OTUD5: variants seen among roughly 807,000 people sequenced by gnomAD.
OTUD5 encodes the protein OTU deubiquitinase 5.
A neutral mutation model predicts 36.3 loss-of-function variants in OTUD5; 2 were observed. The ratio of observed to expected loss-of-function variants is 0.06; its 90% CI spans 0.02 to 0.17. The LOEUF is 0.17. Among genes scored for constraint, OTUD5 ranks in the 10% least tolerant of loss-of-function variants. The pLI, the probability that OTUD5 is intolerant of heterozygous loss-of-function variation, is 1.00. For missense variants in OTUD5, 233 were observed against 512.3 expected (o/e 0.45, Z 5.26); for synonymous variants, 234 against 214.9 (o/e 1.09, Z -0.78).
At chrX:48,953,856 C>T (rs1169919140) in intron 1 of OTUD5, among the ~76,000 whole-genome samples, 1 of 110,944 alleles carries the variant, frequency 9.0e-6, no homozygotes, top group Admixed American at 9.6e-5. Flanking sequence ...ACCCCAGAAT[C>T]GCCATCTAGA....
rs781921926 is a variant in OTUD5 at position 48,953,150 on chromosome X, T to C, written c.594+3827A>G. Reference sequence around the variant, plus strand: ...GAATTGAGGGATGATGGCTCAAAGCTTGCCTTGCTCCAAAGCCCAAACTCC... The same window carrying C: ...GAATTGAGGGATGATGGCTCAAAGCCTGCCTTGCTCCAAAGCCCAAACTCC... On this transcript the variant is annotated intron_variant, in intron 1 of 8. Coordinates refer to ENST00000376488, the MANE Select transcript of OTUD5 (RefSeq NM_001136157.2). Among the ~76,000 whole-genome samples the C allele has an allele frequency of 5.4e-5, 6 of 111,787 alleles. No homozygotes were observed. The South Asian group carries it at 2.2e-3, about 41-fold the overall frequency.
chrX:48,923,531 A>G (rs2063614909), intron 8 of OTUD5, 102 bp downstream of exon 8: 1 of 627,106 alleles, frequency 1.6e-6, no homozygotes, highest in Non-Finnish European at 2.5e-6. Flanking sequence ...TTTCTTGGGG[A>G]GATGGCCAGA....
chrX:48,951,389 C>T (rs918791417), intron 1 of OTUD5, among the ~76,000 whole-genome samples: 8 of 111,323 alleles, frequency 7.2e-5, no homozygotes, highest in Non-Finnish European at 9.5e-5. Flanking sequence ...CCGAGGTGGG[C>T]GGATCACGAA....
intron 1 of OTUD5, among the ~76,000 whole-genome samples, chrX:48,945,145 G>A (rs1557052036): frequency 9.1e-6 from 1 of 110,043 alleles, no homozygotes; most frequent in East Asian, 2.8e-4. Context: ...ACAAACACAC[G>A]TACACAAAAT....
At chrX:48,951,057 G>C (rs1377242590) in intron 1 of OTUD5, among the ~76,000 whole-genome samples, 2 of 107,745 alleles carry the variant, frequency 1.9e-5, no homozygotes, top group Non-Finnish European at 3.8e-5. Context: ...TTAGAATTAA[G>C]GCAGCAGGGG....
chrX:48,957,904 A>C (rs1557056245), upstream of OTUD5: 16 of 619,562 alleles, frequency 2.6e-5, no homozygotes, highest in Non-Finnish European at 2.9e-5. Flanking sequence ...CAGAACCAAA[A>C]CAAGCACCTC....
At position 48,950,537 on chromosome X, in the gene OTUD5, CTTTTTTTT is replaced by C. The variant is rs781905691; in HGVS notation, c.595-6262_595-6255del. Among the ~76,000 whole-genome samples, 611 of 83,053 alleles carry C rather than the reference CTTTTTTTT, an allele frequency of 7.4e-3. 2 individuals are homozygous for C. The highest frequency in any genetic ancestry group is 0.011 in the Non-Finnish European group (453 of 43,092). 72.1% of individuals were successfully genotyped at this position (83,053 alleles called of 115,157 possible). Reference sequence around the variant, plus strand: ...TGTGACAGAATAAACTTCTCTCTCTCTTTTTTTTTTTTTTTTTTTTTTTGAGATGGAGT... The same window carrying C: ...TGTGACAGAATAAACTTCTCTCTCTCTTTTTTTTTTTTTTTGAGATGGAGT... On this transcript the variant is annotated intron_variant, in intron 1 of 8. Transcript: ENST00000376488.
chrX:48,934,626 G>A lies in OTUD5; in HGVS notation c.911-14C>T. 2 of 1,210,602 alleles carry A rather than the reference G, an allele frequency of 1.7e-6. No homozygotes were observed. Among genetic ancestry groups the A allele is most frequent in the Non-Finnish European group, 2.2e-6 (2 of 894,680 alleles). ...TGTTGATGGGTTCTGCAGAGAAAGAGAAGGAGGGAGCATCCACAGCAGGCC... is the reference window on the plus strand; with the variant it reads ...TGTTGATGGGTTCTGCAGAGAAAGAAAAGGAGGGAGCATCCACAGCAGGCC... On this transcript the variant is annotated splice_polypyrimidine_tract_variant and intron_variant, in intron 4 of 8. Coordinates refer to ENST00000376488, the MANE Select transcript of OTUD5 (RefSeq NM_001136157.2).
intron 5 of OTUD5, among the ~76,000 whole-genome samples, chrX:48,931,960 T>C (rs1452560210): frequency 9.5e-6 from 1 of 105,090 alleles, no homozygotes; most frequent in Non-Finnish European, 1.9e-5. Flanking sequence ...AGACCAGCCT[T>C]TGACATGGTG....
chrX:48,951,058 G>A, intron 1 of OTUD5, among the ~76,000 whole-genome samples: 1 of 105,573 alleles, frequency 9.5e-6, no homozygotes, highest in East Asian at 3.1e-4. Flanking sequence ...TAGAATTAAG[G>A]CAGCAGGGGC....
intron 2 of OTUD5, chrX:48,939,971 C>A (rs2063893933): frequency 8.8e-6 from 1 of 114,146 alleles, no homozygotes; most frequent in Admixed American, 9.3e-5. Flanking sequence ...AAAAACAAAC[C>A]ACACTAACGT....
chrX:48,933,054 A>G (rs1483599231), intron 5 of OTUD5, among the ~76,000 whole-genome samples: 3 of 111,944 alleles, frequency 2.7e-5, no homozygotes, highest in African/African-American at 6.5e-5. Context: ...TCTTAAATGC[A>G]TAGTGTTAAG....
intron 4 of OTUD5, 44 bp downstream of exon 4, chrX:48,934,667 G>C: frequency 8.3e-7 from 1 of 1,206,654 alleles, no homozygotes; most frequent in Non-Finnish European, 1.1e-6. Flanking sequence ...GGGCAGGCTC[G>C]AATGAGGCAC....
intron 1 of OTUD5, among the ~76,000 whole-genome samples, chrX:48,947,998 G>A (rs782812173): frequency 1.8e-5 from 2 of 112,221 alleles, no homozygotes; most frequent in Admixed American, 9.4e-5. Flanking sequence ...GGGTGACCTC[G>A]TTTAATTTTC....
intron 5 of OTUD5, among the ~76,000 whole-genome samples, chrX:48,929,679 G>A (rs894933709): frequency 1.5e-4 from 17 of 110,467 alleles, no homozygotes; most frequent in South Asian, 3.8e-4. Flanking sequence ...TGAGATCATC[G>A]CACCACTGCA....
chrX:48,946,664 G>T (rs1003658215), intron 1 of OTUD5, among the ~76,000 whole-genome samples: 3 of 112,423 alleles, frequency 2.7e-5, no homozygotes, highest in Non-Finnish European at 3.8e-5. Flanking sequence ...ACACACTCCA[G>T]CCAGTTATGC....
intron 1 of OTUD5, among the ~76,000 whole-genome samples, chrX:48,951,303 C>G (rs1431640345): frequency 1.8e-5 from 2 of 112,172 alleles, no homozygotes; most frequent in East Asian, 2.8e-4. Context: ...CCCAGGAACA[C>G]TAGCCTGGCT....
At chrX:48,945,678 C>T (rs902882388) in intron 1 of OTUD5, among the ~76,000 whole-genome samples, 10 of 110,810 alleles carry the variant, frequency 9.0e-5, no homozygotes, top group African/African-American at 3.3e-4. Flanking sequence ...AGAAAACATT[C>T]AGGTGTTTGA....
At chrX:48,945,739 A>AT (rs1251712125) in intron 1 of OTUD5, among the ~76,000 whole-genome samples, 3 of 111,250 alleles carry the variant, frequency 2.7e-5, no homozygotes, top group African/African-American at 9.8e-5. Flanking sequence ...AACACAAAGT[A>AT]TACACACCAG....
Sources: allele counts gnomAD v4.1 joint callset (sites outside exome capture counted in the v4.1 genomes callset), GRCh38; gene constraint gnomAD v4.1.1; transcripts MANE v1.5; gene names NCBI Gene and HGNC (gene_info 2026-07-23, HGNC 2026-07-21).